The following FGF14 variants were observed in gnomAD, a reference collection of about 807,000 sequenced individuals.
FGF14 encodes the protein fibroblast growth factor 14, also known as fibroblast growth factor homologous factor 4.
FGF14 carries 5 observed loss-of-function variants against 25.5 expected under a neutral mutation model. That is an observed-to-expected ratio of 0.20 (90% CI 0.10 to 0.41). The LOEUF (loss-of-function observed/expected upper bound fraction) is 0.41. FGF14 is among the 10% of genes least tolerant of loss of function. FGF14 has a pLI of 1.00. For missense variants in FGF14, 222 were observed against 320.1 expected (o/e 0.69, Z 2.34); for synonymous variants, 138 against 118.3 (o/e 1.17, Z -1.08).
chr13:101,778,685 C>T (rs118133533), intron 3 of FGF14, among the ~76,000 whole-genome samples: 3,081 of 152,168 alleles, frequency 0.02, 40 homozygotes, highest in Non-Finnish European at 0.033. Flanking sequence ...AACCTCTCCC[C>T]GTTTCTAAAA....
intron 1 of FGF14, among the ~76,000 whole-genome samples, chr13:102,090,382 G>C (rs573594405): frequency 2.0e-5 from 3 of 152,328 alleles, no homozygotes; most frequent in East Asian, 3.9e-4. Context: ...AAAAGAGGCA[G>C]AGTGAGTTCT....
At chr13:102,294,395 T>C (rs1257105054) in intron 1 of FGF14, among the ~76,000 whole-genome samples, 2 of 151,882 alleles carry the variant, frequency 1.3e-5, no homozygotes, top group African/African-American at 4.8e-5. Context: ...ACTGCTTTTT[T>C]CTAGAAGACT....
At chr13:101,865,839 ACT>A (rs1281617355) in intron 3 of FGF14, among the ~76,000 whole-genome samples, 1 of 152,092 alleles carries the variant, frequency 6.6e-6, no homozygotes, top group African/African-American at 2.4e-5. Context: ...TTCATATTAG[ACT>A]CTAGTTTACA....
At chr13:101,928,808 C>T (rs1206759586) in intron 1 of FGF14, among the ~76,000 whole-genome samples, 1 of 151,632 alleles carries the variant, frequency 6.6e-6, no homozygotes, top group Non-Finnish European at 1.5e-5. Context: ...AGAAGAGTGG[C>T]CATTATACTC....
At chr13:102,312,283 A>AG (rs1566929188) in intron 1 of FGF14, among the ~76,000 whole-genome samples, 1 of 152,012 alleles carries the variant, frequency 6.6e-6, no homozygotes, top group African/African-American at 2.4e-5. Flanking sequence ...GAAAAAAAAA[A>AG]CTTAAGTGGG....
At chr13:102,135,366 C>G (rs1049577788) in intron 1 of FGF14, among the ~76,000 whole-genome samples, 3 of 152,182 alleles carry the variant, frequency 2.0e-5, no homozygotes, top group African/African-American at 7.2e-5. Flanking sequence ...TTACGTGGAA[C>G]AAAGTCTGCT....
At chr13:102,343,581 T>G (rs139233767) in intron 1 of FGF14, among the ~76,000 whole-genome samples, 1 of 152,312 alleles carries the variant, frequency 6.6e-6, no homozygotes, top group East Asian at 1.9e-4. Context: ...ACCAGCTGCA[T>G]AGAGAATGGA....
chr13:101,995,005 C>T (rs190337336), intron 1 of FGF14, among the ~76,000 whole-genome samples: 3 of 152,180 alleles, frequency 2.0e-5, no homozygotes. Context: ...ACTACTGAAA[C>T]TGCAAGGCCA....
At chr13:101,784,322 A>G (rs951458101) in intron 3 of FGF14, among the ~76,000 whole-genome samples, 2 of 152,186 alleles carry the variant, frequency 1.3e-5, no homozygotes, top group Non-Finnish European at 2.9e-5. Context: ...AGTCTTTTAA[A>G]TATGCCCTAC....
intron 1 of FGF14, among the ~76,000 whole-genome samples, chr13:102,029,690 CAT>C (rs1434986814): frequency 6.6e-6 from 1 of 152,104 alleles, no homozygotes; most frequent in Non-Finnish European, 1.5e-5. Context: ...TTTGGAATAA[CAT>C]AATTTATGAA....
At chr13:101,972,383 C>T (rs190112222) in intron 1 of FGF14, among the ~76,000 whole-genome samples, 2 of 152,290 alleles carry the variant, frequency 1.3e-5, no homozygotes, top group African/African-American at 2.4e-5. Context: ...TTTGTAGTTA[C>T]GTGAGAATTG....
intron 3 of FGF14, among the ~76,000 whole-genome samples, chr13:101,853,250 G>A (rs2043950144): frequency 6.6e-6 from 1 of 151,970 alleles, no homozygotes; most frequent in Non-Finnish European, 1.5e-5. Context: ...TCACCCCACT[G>A]TCTATTCTGG....
intron 1 of FGF14, among the ~76,000 whole-genome samples, chr13:102,043,634 A>T (rs534660421): frequency 6.6e-6 from 1 of 152,204 alleles, no homozygotes; most frequent in Non-Finnish European, 1.5e-5. Context: ...ACCTTCTCAA[A>T]TAAGGCCAGT....
intron 1 of FGF14, among the ~76,000 whole-genome samples, chr13:101,896,645 A>G (rs2030725235): frequency 6.6e-6 from 1 of 152,220 alleles, no homozygotes; most frequent in African/African-American, 2.4e-5. Flanking sequence ...GTTGAAAAAT[A>G]TAATAGATCC....
intron 1 of FGF14, among the ~76,000 whole-genome samples, chr13:101,888,625 C>A (rs926004475): frequency 6.6e-6 from 1 of 152,210 alleles, no homozygotes; most frequent in Non-Finnish European, 1.5e-5. Context: ...ATAACAAGAT[C>A]ATTAGTAGAC....
chr13:101,881,414 C>T (rs1165362621), intron 1 of FGF14, among the ~76,000 whole-genome samples: 2 of 152,190 alleles, frequency 1.3e-5, no homozygotes, highest in African/African-American at 4.8e-5. Context: ...ATTTATTCAT[C>T]ACATACAAAG....
chr13:101,998,662 A>T (rs910368160), intron 1 of FGF14, among the ~76,000 whole-genome samples: 1 of 152,204 alleles, frequency 6.6e-6, no homozygotes, highest in South Asian at 2.1e-4. Context: ...CTACCCTCAC[A>T]CATTGAAAAT....
At position 102,341,811 on chromosome 13, in the gene FGF14, G is replaced by A. The variant is rs149990292; in HGVS notation, c.208+59660C>T. ...CCTACTGAGGGAAAATACCAGATAG[G>A]TGCCCTGGAGAGATTGATGAGTGAA... On this transcript the variant is annotated intron_variant, in intron 1 of 4. Coordinates refer to the FGF14 transcript ENST00000376131. Among the ~76,000 whole-genome samples the A allele has an allele frequency of 4.6e-5, 7 of 152,260 alleles. No homozygotes were observed. The East Asian group carries it at 1.2e-3, about 25-fold the overall frequency.
intron 1 of FGF14, among the ~76,000 whole-genome samples, chr13:102,084,041 T>C (rs1352983554): frequency 6.6e-6 from 1 of 152,164 alleles, no homozygotes; most frequent in Non-Finnish European, 1.5e-5. Context: ...GGCCTTTTTT[T>C]TTCTCATAAA....
Sources: allele counts gnomAD v4.1 joint callset (sites outside exome capture counted in the v4.1 genomes callset), GRCh38; gene constraint gnomAD v4.1.1; transcripts MANE v1.5; gene names NCBI Gene and HGNC (gene_info 2026-07-23, HGNC 2026-07-21).